Variants in SNTB2 observed in about 807,000 individuals in gnomAD.
SNTB2 encodes syntrophin beta 2.
Under a neutral mutation model 46.2 loss-of-function variants are expected in SNTB2, and 34 were observed. The ratio of observed to expected loss-of-function variants is 0.74; its 90% confidence interval spans 0.56 to 0.98. The LOEUF (loss-of-function observed/expected upper bound fraction) is 0.98. Ranked by LOEUF, SNTB2 falls within the 50% of genes least tolerant of loss-of-function variation. The pLI, the probability that SNTB2 is intolerant of heterozygous loss-of-function variation, is 0.00. For missense variants in SNTB2, 603 were observed against 731.4 expected (o/e 0.82, Z 2.02); for synonymous variants, 290 against 312.6 (o/e 0.93, Z 0.76).
intron 1 of SNTB2, among the ~76,000 whole-genome samples, chr16:69,235,375 C>G (rs934805470): frequency 3.3e-5 from 5 of 152,110 alleles, no homozygotes; most frequent in African/African-American, 9.7e-5. Flanking sequence ...GGGGTTATCT[C>G]AAAACCCCTA....
chr16:69,296,295 T>C (rs1311917597), intron 5 of SNTB2, among the ~76,000 whole-genome samples: 1 of 152,030 alleles, frequency 6.6e-6, no homozygotes. Flanking sequence ...AAAAAATTTT[T>C]TTTAAACTAA....
chr16:69,262,256 T>C (rs1964840848), intron 3 of SNTB2, among the ~76,000 whole-genome samples: 1 of 152,144 alleles, frequency 6.6e-6, no homozygotes, highest in South Asian at 2.1e-4. Flanking sequence ...TTCACATCAG[T>C]TCCTAAGTTT....
intron 1 of SNTB2, among the ~76,000 whole-genome samples, chr16:69,205,745 C>T (rs974561283): frequency 1.3e-5 from 2 of 152,086 alleles, no homozygotes. Context: ...CTAGTGATCC[C>T]AGACAAAGAA....
intron 1 of SNTB2, among the ~76,000 whole-genome samples, chr16:69,220,722 A>G (rs910225910): frequency 1.3e-5 from 2 of 151,942 alleles, no homozygotes; most frequent in Non-Finnish European, 2.9e-5. Flanking sequence ...TTTAGAGACA[A>G]GGTCTCCCTA....
At chr16:69,225,367 A>G (rs905993402) in intron 1 of SNTB2, among the ~76,000 whole-genome samples, 1 of 152,268 alleles carries the variant, frequency 6.6e-6, no homozygotes, top group Admixed American at 6.5e-5. Context: ...CAGCTAGTCC[A>G]GAACATATCC....
intron 1 of SNTB2, among the ~76,000 whole-genome samples, chr16:69,221,769 C>T (rs770825472): frequency 6.6e-6 from 1 of 151,956 alleles, no homozygotes; most frequent in Non-Finnish European, 1.5e-5. Flanking sequence ...GAATAAGACT[C>T]TCTCTCAAAA....
chr16:69,189,892 CATA>C (rs1964034302), intron 1 of SNTB2, among the ~76,000 whole-genome samples: 1 of 152,202 alleles, frequency 6.6e-6, no homozygotes, highest in Non-Finnish European at 1.5e-5. Flanking sequence ...AAGATGGCCG[CATA>C]ATAACATGTT....
chr16:69,226,948 A>C (rs79899185), intron 1 of SNTB2, among the ~76,000 whole-genome samples: 3,508 of 152,300 alleles, frequency 0.023, 138 homozygotes, highest in African/African-American at 0.08. Flanking sequence ...TGTTTTAATA[A>C]GAAATTTAGC....
At chr16:69,235,586 G>A (rs530836655) in intron 1 of SNTB2, 2 of 690,954 alleles carry the variant, frequency 2.9e-6, no homozygotes, top group African/African-American at 1.9e-5. Flanking sequence ...CCAAAGTGGG[G>A]GAGGGGGGAA....
At chr16:69,254,339 C>T (rs1022797491) in intron 2 of SNTB2, among the ~76,000 whole-genome samples, 1 of 152,156 alleles carries the variant, frequency 6.6e-6, no homozygotes, top group African/African-American at 2.4e-5. Context: ...CTTAGGGATT[C>T]TCCAACATGG....
intron 2 of SNTB2, among the ~76,000 whole-genome samples, chr16:69,253,135 G>A (rs1316772093): frequency 2.7e-5 from 4 of 150,730 alleles, no homozygotes; most frequent in Admixed American, 2.0e-4. Context: ...TCCTGACCTC[G>A]TGATCCACCC....
At chr16:69,274,311 C>CA (rs367924448) in intron 4 of SNTB2, among the ~76,000 whole-genome samples, 4,601 of 125,774 alleles carry the variant, frequency 0.037, 196 homozygotes, top group African/African-American at 0.095. Flanking sequence ...GACTCTATCT[C>CA]AAAAAAAAAA....
rs778058766 is a variant in SNTB2, at chr16:69,299,722, A to C, written c.1478A>C (p.Asp493Ala). ...TTTGAAAGGCTGAAGATGTCTGCTG[A>C]TGATGGCATCCGAAATCTATACTTG... ...YPFERLKMSA[D>A]DGIRNLYLDF... The change falls in exon 6 of 7, where the codon GAT becomes GCT. Residue 493 changes from aspartate (D) to alanine (A), a missense_variant. Physicochemically the swap from Asp to Ala is moderately radical, Grantham distance 126. This residue lies in a region of SNTB2 where 537 missense variants were observed against 692.4 expected (regional missense o/e 0.78). Transcript: ENST00000336278. The C allele has an allele frequency of 6.2e-7, 1 of 1,614,206 alleles. No individual in the cohort carries two copies. Among genetic ancestry groups the C allele is most frequent in the Non-Finnish European group, 8.5e-7 (1 of 1,180,036 alleles).
At position 69,215,778 on chromosome 16, in the gene SNTB2, T is replaced by A. The variant is rs753320925; in HGVS notation, c.580+28032T>A. Among the ~76,000 whole-genome samples, 22 of 152,168 alleles carry A rather than the reference T, an allele frequency of 1.4e-4. 1 individual carries two copies. The highest frequency in any genetic ancestry group is 2.5e-4 in the Non-Finnish European group (17 of 68,030). ...CCTCACAGCAGTTCTATTGCATGCA[T>A]AGATCAGATACAGAAAGGCTCAGAG... On this transcript the variant is annotated intron_variant, in intron 1 of 6. Transcript: ENST00000336278.
At chr16:69,264,723 C>T (rs1441706122) in intron 3 of SNTB2, among the ~76,000 whole-genome samples, 2 of 152,002 alleles carry the variant, frequency 1.3e-5, no homozygotes, top group Admixed American at 1.3e-4. Flanking sequence ...AGTTCCTGAA[C>T]CAGTAGAAGA....
chr16:69,291,899 G>C (rs1410422733), intron 5 of SNTB2, among the ~76,000 whole-genome samples: 1 of 151,794 alleles, frequency 6.6e-6, no homozygotes, highest in Middle Eastern at 3.4e-3. Flanking sequence ...CTCCAGCCTG[G>C]GCGACAGAGT....
chr16:69,243,607 G>A (rs1172785539), intron 1 of SNTB2, among the ~76,000 whole-genome samples: 1 of 152,158 alleles, frequency 6.6e-6, no homozygotes, highest in Non-Finnish European at 1.5e-5. Context: ...GCCCAATAGT[G>A]TACTGCCTTA....
intron 1 of SNTB2, among the ~76,000 whole-genome samples, chr16:69,233,158 C>T (rs1010256324): frequency 6.6e-6 from 1 of 152,154 alleles, no homozygotes; most frequent in Admixed American, 6.6e-5. Flanking sequence ...CTTTTCCCCC[C>T]TCATGCCTAG....
chr16:69,284,341 T>C, intron 5 of SNTB2, 97 bp downstream of exon 5: 1 of 973,986 alleles, frequency 1.0e-6, no homozygotes, highest in Non-Finnish European at 1.5e-6. Context: ...ATGGATTGCA[T>C]ACATGACAGC....
Sources: allele counts gnomAD v4.1 joint callset (sites outside exome capture counted in the v4.1 genomes callset), GRCh38; gene constraint gnomAD v4.1.1; regional missense constraint gnomAD v4.1.1; transcripts MANE v1.5; gene names NCBI Gene and HGNC (gene_info 2026-07-23, HGNC 2026-07-21).